ZNF600: variants seen among roughly 807,000 people sequenced by gnomAD.
ZNF600 encodes the protein zinc finger protein 600.
In ZNF600, 4 loss-of-function variants were observed where a neutral mutation model predicts 7.3. The observed-to-expected ratio is 0.55, with a 90% CI of 0.27 to 1.25. ZNF600 has a LOEUF of 1.25. ZNF600 is among the 50% of genes most tolerant of loss of function. ZNF600 has a pLI of 0.12. For synonymous variants in ZNF600, 290 were observed against 308.9 expected, an observed-to-expected ratio of 0.94 and a Z score of 0.64; for missense variants, 911 against 922.1, an observed-to-expected ratio of 0.99 and a Z score of 0.16.
intron 2 of ZNF600, among the ~76,000 whole-genome samples, chr19:52,776,844 C>T (rs114032657): frequency 0.2 from 30,513 of 151,644 alleles, 3,109 homozygotes; most frequent in South Asian, 0.28. Context: ...CATCACATCA[C>T]GGCGTTACCC....
At chr19:52,827,767 G>A in the ZNF600 span, among the ~76,000 whole-genome samples, 2,141 of 151,902 alleles carry the variant, frequency 0.014, 63 homozygotes, top group African/African-American at 0.049. Context: ...GGATGGTCTC[G>A]ATCTCCTGAC....
chr19:52,814,307 G>C, the ZNF600 span: 1 of 146,526 alleles, frequency 6.8e-6, no homozygotes, highest in Non-Finnish European at 1.5e-5. Context: ...AACAATTGGT[G>C]GGGCTGGGCA....
the ZNF600 span, among the ~76,000 whole-genome samples, chr19:52,796,783 T>C: frequency 2.0e-5 from 3 of 152,196 alleles, no homozygotes; most frequent in African/African-American, 7.2e-5. Flanking sequence ...GCAAATTTGA[T>C]ATTTCTTCTT....
At chr19:52,764,466 T>C (rs1473958196), downstream of ZNF600, 2 of 148,318 alleles carry the variant, frequency 1.3e-5, no homozygotes, top group African/African-American at 5.1e-5. Flanking sequence ...CTCACATCAG[T>C]CTACCAAAGT....
At chr19:52,810,418 G>A in the ZNF600 span, 5 of 1,604,176 alleles carry the variant, frequency 3.1e-6, no homozygotes, top group Non-Finnish European at 4.3e-6. Flanking sequence ...GACAAATTTA[G>A]TGGCCATCCC....
the ZNF600 span, among the ~76,000 whole-genome samples, chr19:52,828,675 T>C: frequency 2.0e-5 from 3 of 152,024 alleles, no homozygotes; most frequent in Non-Finnish European, 4.4e-5. Flanking sequence ...ATAAAACAAA[T>C]TGTACAACAA....
chr19:52,772,110 T>C (rs111894939), intron 3 of ZNF600, among the ~76,000 whole-genome samples: 9,829 of 152,218 alleles, frequency 0.065, 1,019 homozygotes, highest in African/African-American at 0.22. Context: ...GTTGGGAGTT[T>C]GAGACCAGCC....
the ZNF600 span, among the ~76,000 whole-genome samples, chr19:52,832,311 A>T: frequency 6.6e-6 from 1 of 152,120 alleles, no homozygotes; most frequent in Non-Finnish European, 1.5e-5. Context: ...AACTGCAGAG[A>T]CAGGCCGGGC....
At chr19:52,813,188 T>C in the ZNF600 span, among the ~76,000 whole-genome samples, 2,868 of 139,380 alleles carry the variant, frequency 0.021, 94 homozygotes, top group African/African-American at 0.071. Flanking sequence ...TGGAGCAATT[T>C]AGGACTACCC....
At chr19:52,826,527 A>T in the ZNF600 span, among the ~76,000 whole-genome samples, 97 of 152,236 alleles carry the variant, frequency 6.4e-4, no homozygotes, top group African/African-American at 2.2e-3. Context: ...CCAACAAGGC[A>T]AAACCCCATC....
At chr19:52,778,229 G>C (rs1056726307) in intron 2 of ZNF600, among the ~76,000 whole-genome samples, 3 of 151,830 alleles carry the variant, frequency 2.0e-5, no homozygotes, top group African/African-American at 2.4e-5. Context: ...GGCCAGGCTG[G>C]TCTCGAACTC....
chr19:52,801,104 T>A, the ZNF600 span: 13 of 1,614,074 alleles, frequency 8.1e-6, no homozygotes, highest in African/African-American at 1.6e-4. Context: ...CCTTGCCATA[T>A]ACATCACATT....
chr19:52,816,491 C>T, the ZNF600 span, among the ~76,000 whole-genome samples: 2 of 144,986 alleles, frequency 1.4e-5, no homozygotes, highest in African/African-American at 2.7e-5. Flanking sequence ...GGTGAAACCC[C>T]GTCTCTACTA....
the ZNF600 span, chr19:52,821,627 C>G: frequency 6.6e-6 from 1 of 152,210 alleles, no homozygotes; most frequent in African/African-American, 2.4e-5. Flanking sequence ...GATCCGCTTC[C>G]TGGTCTGCGC....
the ZNF600 span, among the ~76,000 whole-genome samples, chr19:52,820,964 A>T: frequency 6.8e-6 from 1 of 147,836 alleles, no homozygotes; most frequent in African/African-American, 2.5e-5. Context: ...GGAGTAAGAC[A>T]CCTGCATCTC....
At chr19:52,808,656 C>A in the ZNF600 span, among the ~76,000 whole-genome samples, 459 of 140,674 alleles carry the variant, frequency 3.3e-3, no homozygotes, top group African/African-American at 0.011. Context: ...AAAAAAAAAA[C>A]AAAAAACATT....
At chr19:52,802,478 G>C in the ZNF600 span, among the ~76,000 whole-genome samples, 1 of 152,124 alleles carries the variant, frequency 6.6e-6, no homozygotes, top group East Asian at 1.9e-4. Flanking sequence ...TCAGGAGTTT[G>C]ACCAGCCTGG....
intron 3 of ZNF600, among the ~76,000 whole-genome samples, chr19:52,769,468 C>G (rs1298520213): frequency 6.6e-6 from 1 of 152,186 alleles, no homozygotes; most frequent in African/African-American, 2.4e-5. Context: ...AGGGAAGGGC[C>G]CCCTGTCTAG....
At chr19:52,808,150 T>C in the ZNF600 span, 1 of 1,611,744 alleles carries the variant, frequency 6.2e-7, no homozygotes, top group Non-Finnish European at 8.5e-7. Context: ...TGGAAACACA[T>C]TTTAACCAAA....
Sources: gnomAD v4.1 joint callset for allele counts (sites outside exome capture counted in the v4.1 genomes callset) on GRCh38, gnomAD v4.1.1 for gene constraint, MANE v1.5 for transcripts, NCBI Gene and HGNC (gene_info 2026-07-23, HGNC 2026-07-21) for gene names.